Variants in MYBBP1A observed in about 807,000 individuals in gnomAD.
MYBBP1A encodes MYB binding protein 1a.
In MYBBP1A, 147 loss-of-function variants were observed where a neutral mutation model predicts 136.3. That is an observed-to-expected ratio of 1.08 (90% CI 0.94 to 1.24). The LOEUF is 1.24. MYBBP1A is among the 50% of genes most tolerant of loss of function. MYBBP1A has a pLI of 0.00. For missense variants in MYBBP1A, 2,060 were observed against 1,727.4 expected (o/e 1.19, Z -3.41); for synonymous variants, 947 against 735.8 (o/e 1.29, Z -4.65).
rs372363229 is a variant in MYBBP1A at position 4,539,344 on chromosome 17, T to TAA, written c.*69_*70dup. 927 of 1,400,460 alleles carry TAA rather than the reference T, an allele frequency of 6.6e-4. No individual in the cohort carries two copies. The highest frequency in any genetic ancestry group is 1.3e-3 in the South Asian group (83 of 64,596). 86.8% of individuals were successfully genotyped at this position (1,400,460 alleles called of 1,614,324 possible). On this transcript the variant is annotated 3_prime_UTR_variant, in exon 26 of 26. Coordinates refer to ENST00000254718, the MANE Select transcript of MYBBP1A (RefSeq NM_014520.4). ...CAGCTTGCGTATTAAAATCATGGTTTAAAAAAAAAAAAAAAAAATAGGCGT... is the reference window on the plus strand; with the variant it reads ...CAGCTTGCGTATTAAAATCATGGTTTAAAAAAAAAAAAAAAAAAAATAGGCGT...
Position 4,548,585 on chromosome 17 carries a change from G to A in MYBBP1A, c.1495C>T (p.His499Tyr), listed in dbSNP as rs1338575584. 20 of 1,614,112 alleles carry A rather than the reference G, an allele frequency of 1.2e-5. No homozygotes were observed. The East Asian group carries it at 3.8e-4, about 31-fold the overall frequency. ...KPTSQIPETKHPFSFPLENQA... is the reference protein window; with the variant it reads ...KPTSQIPETKYPFSFPLENQA... ...TTTTCCAAAGGGAAGGAGAACGGGT[G>A]CTTTGTCTCAGGGATCTGGGATGTG... Residue 499 changes from histidine (H) to tyrosine (Y), a missense_variant, in exon 11 of 26, where the codon CAC becomes TAC. Coordinates refer to ENST00000254718, the MANE Select transcript of MYBBP1A (RefSeq NM_014520.4). The surrounding 1 kb of genome is among the most constrained non-coding windows in gnomAD (Gnocchi z 4.2).
At position 4,544,799 on chromosome 17, in the gene MYBBP1A, C is replaced by T. The variant is rs776874558; in HGVS notation, c.2433G>A (p.Lys811=). The T allele has an allele frequency of 6.3e-7, 1 of 1,599,788 alleles. No individual in the cohort carries two copies. Among genetic ancestry groups the T allele is most frequent in the Admixed American group, 1.7e-5 (1 of 58,774 alleles). ...KLRIQARRDE[K]NKLQKEKALR... is the part of the protein sequence containing the mutation. ...GAGCCTTCTCCTTCTGCAGCTTGTTCTTCTCGTCTCGCCGGGCCTGGATAC... is the reference window on the plus strand; with the variant it reads ...GAGCCTTCTCCTTCTGCAGCTTGTTTTTCTCGTCTCGCCGGGCCTGGATAC... The change falls in exon 18 of 26, where the codon AAG becomes AAA. Residue 811 remains lysine, a synonymous_variant. Coordinates refer to ENST00000254718, the MANE Select transcript of MYBBP1A (RefSeq NM_014520.4).
rs1193076749 is a variant in MYBBP1A at position 4,541,577 on chromosome 17, G to A, written c.3196-13C>T. 11 of 1,610,106 alleles carry A rather than the reference G, an allele frequency of 6.8e-6. No homozygotes were observed. The highest frequency in any genetic ancestry group is 6.6e-5 in the South Asian group (6 of 91,064). On this transcript the variant is annotated splice_polypyrimidine_tract_variant and intron_variant, in intron 23 of 25. Coordinates refer to ENST00000254718, the MANE Select transcript of MYBBP1A (RefSeq NM_014520.4). ...GCACGCGCAAGTTCTAGGGAAGGGT[G>A]GCCAGGCTGAGGCACTCCGGAGAGC...
In MYBBP1A at chr17:4,552,778, G is replaced by A. The variant is rs905514703; in HGVS notation, c.562-152C>T. On this transcript the variant is annotated intron_variant, in intron 5 of 25. Coordinates refer to ENST00000254718, the MANE Select transcript of MYBBP1A (RefSeq NM_014520.4). This position sits in a 1 kb window ranked among gnomAD's most constrained non-coding sequence, Gnocchi z 4.7. ...AAAACTCAAATTCCCAGGCAGCGGG[G>A]TTTTTGACAAGCATCCCACTGACGC... 17 of 714,536 alleles carry A rather than the reference G, an allele frequency of 2.4e-5. No individual in the cohort carries two copies. The highest frequency in any genetic ancestry group is 3.6e-5 in the Non-Finnish European group (16 of 446,374). The allele number at this position is 714,536 out of a possible 1,614,324, so 44.3% of individuals were successfully genotyped here. A position where few individuals can be genotyped will look rare whatever the true frequency, so the allele number is the denominator to read the frequency against.
intron 24 of MYBBP1A, among the ~76,000 whole-genome samples, chr17:4,540,923 A>AAGGCCCCGTCCCGGGCCCCGTCCC (rs1906353693): frequency 8.5e-6 from 1 of 117,006 alleles, no homozygotes; most frequent in African/African-American, 2.6e-5. Context: ...CCAGTTTTGT[A>AAGGCCCCGTCCCGGGCCCCGTCCC]AGGCCCCGTC....
intron 25 of MYBBP1A, among the ~76,000 whole-genome samples, 185 bp from the exon 26 acceptor site, chr17:4,540,152 GCGA>G (rs1567602134): frequency 1.8e-4 from 15 of 84,046 alleles, no homozygotes; most frequent in African/African-American, 8.2e-4. Context: ...CGAGGGTCCT[GCGA>G]GGCTCCTGCG....
Position 4,554,958 on chromosome 17 carries a change from T to A in MYBBP1A, c.199-2A>T. On this transcript the variant is annotated splice_acceptor_variant, in intron 1 of 25. Coordinates refer to ENST00000254718, the MANE Select transcript of MYBBP1A (RefSeq NM_014520.4). LOFTEE classifies it high-confidence loss of function. ...CAGGGCATATTTCATCTCGGACCCC[T>A]GCGGAACCAAGCACACCCTCGTGTT... 6.2e-7 allele frequency: 1 copy of A among 1,613,426 alleles called. No individual in the cohort carries two copies. Among genetic ancestry groups the A allele is most frequent in the Non-Finnish European group, 8.5e-7 (1 of 1,179,990 alleles).
In MYBBP1A at chr17:4,539,280, C is replaced by T. The variant is rs375238587; in HGVS notation, c.*135G>A. 764 of 1,490,516 alleles carry T rather than the reference C, an allele frequency of 5.1e-4. 3 individuals carry two copies. The East Asian group carries it at 0.011, about 21-fold the overall frequency. The allele number at this position is 1,490,516 out of a possible 1,614,324, so 92.3% of individuals were successfully genotyped here. On this transcript the variant is annotated 3_prime_UTR_variant, in exon 26 of 26. Coordinates refer to ENST00000254718, the MANE Select transcript of MYBBP1A (RefSeq NM_014520.4). ...TGCCAGAGCAGGATGCCCGGGCAGG[C>T]GGCAACAGCCACCCTCCCCAGTGGC...
chr17:4,543,532 C>A (rs1315889568), intron 19 of MYBBP1A, among the ~76,000 whole-genome samples: 2 of 152,148 alleles, frequency 1.3e-5, no homozygotes, highest in African/African-American at 2.4e-5. Flanking sequence ...CCCTCTGTGG[C>A]CCTGCAGGGC....
chr17:4,548,434 C>T lies in MYBBP1A; in HGVS notation c.1556+90G>A, dbSNP rs1462267760. 1.1e-5 allele frequency: 17 copies of T among 1,607,804 alleles called. No homozygotes were observed. The highest frequency in any genetic ancestry group is 6.7e-5 in the East Asian group (3 of 44,840). Reference sequence around the variant, plus strand: ...CCTACTAGAACTCCGGGGGCCTCTGCCGTTGTTCCCAGCTTAGGGGACCTG... The same window carrying T: ...CCTACTAGAACTCCGGGGGCCTCTGTCGTTGTTCCCAGCTTAGGGGACCTG... On this transcript the variant is annotated intron_variant, in intron 11 of 25. Transcript: ENST00000254718. This position sits in a 1 kb window ranked among gnomAD's most constrained non-coding sequence, Gnocchi z 4.2.
chr17:4,542,619 G>A lies in MYBBP1A; in HGVS notation c.3015C>T (p.His1005=), dbSNP rs918662318. ...VPMFLSLFSR[H]PVLCQSLLPI... The stretch of plus-strand genomic sequence containing the variant: ...CAGGGCAGGCCCCAACACTCACCGG[G>A]TGCCGGGAGAAGAGGCTGAGGAACA... The change falls in exon 21 of 26, where the codon CAC becomes CAT. Residue 1005 remains histidine, a synonymous_variant. Coordinates refer to ENST00000254718, the MANE Select transcript of MYBBP1A (RefSeq NM_014520.4). 11 of 1,613,876 alleles carry A rather than the reference G, an allele frequency of 6.8e-6. No homozygotes were observed. In the African/African-American group the frequency reaches 1.3e-4, roughly 20 times the overall value.
chr17:4,542,377 C>A, intron 22 of MYBBP1A, 87 bp downstream of exon 22: 1 of 1,439,282 alleles, frequency 6.9e-7, no homozygotes, highest in South Asian at 1.3e-5. Context: ...CAGGACAGCG[C>A]TCTGGGGCCT....
rs1161146901 is a variant in MYBBP1A at position 4,543,258 on chromosome 17, G to A, written c.2640-93C>T. On this transcript the variant is annotated intron_variant, in intron 19 of 25. Coordinates refer to ENST00000254718, the MANE Select transcript of MYBBP1A (RefSeq NM_014520.4). ...AACCCAAGTCCCACTTTATAAGTGG[G>A]GAAACAGACCTAGAAGACGACAGAG... 52 of 1,457,246 alleles carry A rather than the reference G, an allele frequency of 3.6e-5. No individual in the cohort carries two copies. The East Asian group carries it at 5.1e-4, about 14-fold the overall frequency. The allele number at this position is 1,457,246 out of a possible 1,614,324, so 90.3% of individuals were successfully genotyped here.
rs780223156 is a variant in MYBBP1A, at chr17:4,541,587, A to G, written c.3196-23T>C. 11 of 1,605,848 alleles carry G rather than the reference A, an allele frequency of 6.8e-6. No homozygotes were observed. In the East Asian group the frequency reaches 2.2e-4, roughly 33 times the overall value. On this transcript the variant is annotated intron_variant, in intron 23 of 25. Transcript: ENST00000254718. ...GTTCTAGGGAAGGGTGGCCAGGCTG[A>G]GGCACTCCGGAGAGCTGCTCAAAGC...
chr17:4,543,305 G>T, intron 19 of MYBBP1A, 140 bp from the exon 20 acceptor site: 1 of 1,200,802 alleles, frequency 8.3e-7, no homozygotes, highest in East Asian at 2.6e-5. Flanking sequence ...CACAGAGGAG[G>T]GCCCAGGGCC....
chr17:4,545,050 G>A lies in MYBBP1A; in HGVS notation c.2286C>T (p.Thr762=), dbSNP rs371780582. 255 of 1,399,582 alleles carry A rather than the reference G, an allele frequency of 1.8e-4. 1 individual carries two copies. The highest frequency in any genetic ancestry group is 2.1e-4 in the South Asian group (17 of 82,018). 86.7% of individuals were successfully genotyped at this position (1,399,582 alleles called of 1,614,324 possible). The change falls in exon 17 of 26, where the codon ACC becomes ACT. Residue 762 remains threonine (T), a synonymous_variant. Coordinates refer to ENST00000254718, the MANE Select transcript of MYBBP1A (RefSeq NM_014520.4). ...CCAGCGCCTTCCCAGCCTGCAGCAC[G>A]GTCATCAGCTGTTCCCGGAAGCCCT... ...VDQGFREQLM[T]VLQAGKALGG... is the part of the protein sequence containing the mutation.
rs771827811 is a variant in MYBBP1A, at chr17:4,550,195, G to A, written c.1182C>T (p.Val394=). The change falls in exon 9 of 26, where the codon GTC becomes GTT. Residue 394 remains valine, a synonymous_variant. Coordinates refer to ENST00000254718, the MANE Select transcript of MYBBP1A (RefSeq NM_014520.4). The stretch of plus-strand genomic sequence containing the variant: ...GGGCCGGAGGGCTCAGGAACCGCAC[G>A]ACCCGCCAGAAAGTAGGCGTGACAG... ...GLPVTPTFWR[V]VRFLSPPALQ... 19 of 1,613,732 alleles carry A rather than the reference G, an allele frequency of 1.2e-5. No homozygotes were observed. Among genetic ancestry groups the A allele is most frequent in the Middle Eastern group, 1.6e-4 (1 of 6,084 alleles).
intron 13 of MYBBP1A, among the ~76,000 whole-genome samples, chr17:4,546,329 G>A (rs535676139): frequency 6.6e-6 from 1 of 152,338 alleles, no homozygotes; most frequent in Admixed American, 6.5e-5. Context: ...ATGTTGGCCA[G>A]GCTGGTCTTG....
At position 4,554,969 on chromosome 17, in the gene MYBBP1A, G is replaced by GCA; in HGVS notation, c.199-15_199-14dup. On this transcript the variant is annotated splice_polypyrimidine_tract_variant and intron_variant, in intron 1 of 25. Coordinates refer to ENST00000254718, the MANE Select transcript of MYBBP1A (RefSeq NM_014520.4). ...TCATCTCGGACCCCTGCGGAACCAA[G>GCA]CACACCCTCGTGTTCAATGGTGACA... 5 of 1,613,088 alleles carry GCA rather than the reference G, an allele frequency of 3.1e-6. No homozygotes were observed. The highest frequency in any genetic ancestry group is 4.2e-6 in the Non-Finnish European group (5 of 1,179,808).
Sources: allele counts gnomAD v4.1 joint callset (sites outside exome capture counted in the v4.1 genomes callset), GRCh38; gene constraint gnomAD v4.1.1; non-coding constraint Gnocchi (gnomAD v3.1); transcripts MANE v1.5; gene names NCBI Gene and HGNC (gene_info 2026-07-23, HGNC 2026-07-21).